LMX1A: variants seen among roughly 807,000 people sequenced by gnomAD.
The protein encoded by LMX1A is LIM homeobox transcription factor 1-alpha.
LMX1A carries 15 observed loss-of-function variants against 49.1 expected under a neutral mutation model. That is an observed-to-expected ratio of 0.31 (90% CI 0.20 to 0.47). The LOEUF is 0.47. LMX1A is among the 20% of genes least tolerant of loss of function. LMX1A has a pLI of 1.00. For missense variants in LMX1A, 372 were observed against 475.8 expected (o/e 0.78, Z 2.03); for synonymous variants, 167 against 185.7 (o/e 0.90, Z 0.82).
chr1:165,243,518 A>C (rs1652737758), intron 4 of LMX1A, among the ~76,000 whole-genome samples: 1 of 152,234 alleles, frequency 6.6e-6, no homozygotes, highest in South Asian at 2.1e-4. Context: ...AGATCGTAGT[A>C]TTTTCATAGA....
At chr1:165,251,946 T>C (rs1034672312) in intron 3 of LMX1A, among the ~76,000 whole-genome samples, 1 of 152,334 alleles carries the variant, frequency 6.6e-6, no homozygotes, top group East Asian at 1.9e-4. Context: ...CAGATAACCA[T>C]GCAAAATCTT....
At chr1:165,254,218 G>C (rs1248774191) in intron 3 of LMX1A, among the ~76,000 whole-genome samples, 3 of 151,984 alleles carry the variant, frequency 2.0e-5, no homozygotes, top group African/African-American at 7.3e-5. Flanking sequence ...TCTTTTTCTT[G>C]CTTTCTTAAT....
At chr1:165,281,995 G>T (rs999398353) in intron 3 of LMX1A, among the ~76,000 whole-genome samples, 1 of 152,156 alleles carries the variant, frequency 6.6e-6, no homozygotes, top group Non-Finnish European at 1.5e-5. Context: ...GTGGTTAGGA[G>T]CACAGATACC....
chr1:165,219,552 A>C (rs1457133778), intron 4 of LMX1A, among the ~76,000 whole-genome samples: 1 of 152,192 alleles, frequency 6.6e-6, no homozygotes, highest in African/African-American at 2.4e-5. Context: ...ATTCTCCCTG[A>C]CAATAGCAGC....
chr1:165,259,561 C>T (rs1269682495), intron 3 of LMX1A, among the ~76,000 whole-genome samples: 1 of 152,182 alleles, frequency 6.6e-6, no homozygotes, highest in African/African-American at 2.4e-5. Flanking sequence ...ACATCCCTAT[C>T]CTTGCCTTGC....
intron 6 of LMX1A, among the ~76,000 whole-genome samples, chr1:165,208,792 G>A (rs1033937438): frequency 6.6e-6 from 1 of 151,756 alleles, no homozygotes; most frequent in Admixed American, 6.6e-5. Context: ...GACTACAGGC[G>A]CCCGCCACTA....
intron 4 of LMX1A, among the ~76,000 whole-genome samples, chr1:165,237,816 C>T (rs1652505911): frequency 6.6e-6 from 1 of 152,166 alleles, no homozygotes; most frequent in Non-Finnish European, 1.5e-5. Context: ...TCCATTTGCT[C>T]AGTAAACTGT....
intron 8 of LMX1A, among the ~76,000 whole-genome samples, chr1:165,204,735 A>G (rs1254544714): frequency 6.6e-6 from 1 of 152,220 alleles, no homozygotes; most frequent in Non-Finnish European, 1.5e-5. Flanking sequence ...GAAAGGACTC[A>G]TCACAGGGAT....
At chr1:165,263,923 T>C (rs1017769625) in intron 3 of LMX1A, among the ~76,000 whole-genome samples, 1 of 152,168 alleles carries the variant, frequency 6.6e-6, no homozygotes, top group Admixed American at 6.5e-5. Flanking sequence ...AAGGTAATAC[T>C]ACCACCATTA....
At chr1:165,346,212 A>G (rs2101767696) in intron 3 of LMX1A, among the ~76,000 whole-genome samples, 1 of 152,324 alleles carries the variant, frequency 6.6e-6, no homozygotes, top group Middle Eastern at 3.4e-3. Context: ...CTATTATACA[A>G]CAACAGTAAT....
rs1650874896 is a variant in LMX1A at position 165,202,223 on chromosome 1, C to T, written c.*1657G>A. 6.5e-6 allele frequency: 1 copy of T among 152,820 alleles called. No homozygotes were observed. Among genetic ancestry groups the T allele is most frequent in the African/African-American group, 2.4e-5 (1 of 41,572 alleles). 9.5% of individuals were successfully genotyped at this position (152,820 alleles called of 1,614,324 possible). On this transcript the variant is annotated 3_prime_UTR_variant, in exon 9 of 9. Coordinates refer to ENST00000342310, the MANE Select transcript of LMX1A (RefSeq NM_177398.4). ...TATCCTGGCCCCTCCTGGATGGGTC[C>T]ACAGTGACCCGCTGTCTTCCCCACC... is the stretch of plus-strand genomic sequence containing the variant.
intron 3 of LMX1A, among the ~76,000 whole-genome samples, chr1:165,274,898 G>C (rs1255659851): frequency 6.6e-6 from 1 of 152,182 alleles, no homozygotes; most frequent in Non-Finnish European, 1.5e-5. Context: ...TAAGGTAGTT[G>C]AGAGGATTAA....
intron 3 of LMX1A, among the ~76,000 whole-genome samples, chr1:165,321,911 G>T (rs374711512): frequency 2.0e-5 from 3 of 151,986 alleles, no homozygotes; most frequent in African/African-American, 7.2e-5. Context: ...TGCAGAATGG[G>T]AGAAAATATT....
intron 3 of LMX1A, among the ~76,000 whole-genome samples, chr1:165,315,813 C>T (rs900703822): frequency 6.6e-6 from 1 of 152,250 alleles, no homozygotes; most frequent in African/African-American, 2.4e-5. Flanking sequence ...AGAACCTTGA[C>T]TTCAGCAGCT....
At chr1:165,272,130 T>C (rs1653813997) in intron 3 of LMX1A, among the ~76,000 whole-genome samples, 1 of 152,088 alleles carries the variant, frequency 6.6e-6, no homozygotes, top group South Asian at 2.1e-4. Context: ...GGGCCCCAGC[T>C]AATTCATCTA....
intron 3 of LMX1A, among the ~76,000 whole-genome samples, chr1:165,303,561 G>A (rs988256214): frequency 5.9e-5 from 9 of 152,346 alleles, no homozygotes; most frequent in East Asian, 1.9e-4. Flanking sequence ...CTGGGATTGT[G>A]CTGGTCACGG....
chr1:165,307,348 A>G (rs1654946502), intron 3 of LMX1A, among the ~76,000 whole-genome samples: 1 of 152,224 alleles, frequency 6.6e-6, no homozygotes, highest in African/African-American at 2.4e-5. Flanking sequence ...TAAAACTTAT[A>G]AATATTTGCT....
intron 3 of LMX1A, among the ~76,000 whole-genome samples, chr1:165,299,244 G>C (rs1276343167): frequency 6.6e-6 from 1 of 152,238 alleles, no homozygotes; most frequent in Admixed American, 6.5e-5. Flanking sequence ...GGATGTTTGA[G>C]AGTAAAATGA....
intron 3 of LMX1A, among the ~76,000 whole-genome samples, chr1:165,333,388 A>G (rs1416627795): frequency 6.6e-6 from 1 of 151,980 alleles, no homozygotes; most frequent in East Asian, 1.9e-4. Flanking sequence ...CCATCTCCCA[A>G]CCTCAGGTGA....
Sources: allele counts gnomAD v4.1 joint callset (sites outside exome capture counted in the v4.1 genomes callset), GRCh38; gene constraint gnomAD v4.1.1; transcripts MANE v1.5; gene names NCBI Gene and HGNC (gene_info 2026-07-23, HGNC 2026-07-21).